RNGTT: variants seen among roughly 807,000 people sequenced by gnomAD.
RNGTT encodes the protein mRNA-capping enzyme.
Under a neutral mutation model 79.3 loss-of-function variants are expected in RNGTT, and 33 were observed. The observed-to-expected ratio is 0.42, with a 90% CI of 0.32 to 0.56. The LOEUF (loss-of-function observed/expected upper bound fraction) is 0.56, where lower values mean the gene tolerates loss of function less well. Ranked by LOEUF, RNGTT falls within the 20% of genes least tolerant of loss-of-function variation. The pLI is 0.17. For synonymous variants in RNGTT, 222 were observed against 235.9 expected, an observed-to-expected ratio of 0.94 and a Z score of 0.54; for missense variants, 497 against 739.1, an observed-to-expected ratio of 0.67 and a Z score of 3.80.
chr6:88,913,214 C>CAAAAAAAAAAA (rs58717773), intron 4 of RNGTT, among the ~76,000 whole-genome samples: 2 of 65,512 alleles, frequency 3.1e-5, no homozygotes, highest in Non-Finnish European at 7.2e-5. Flanking sequence ...CAAAAAAAAA[C>CAAAAAAAAAAA]AAAAAAAAAA....
intron 4 of RNGTT, among the ~76,000 whole-genome samples, chr6:88,918,754 T>C (rs1000485582): frequency 6.6e-6 from 1 of 152,196 alleles, no homozygotes; most frequent in Non-Finnish European, 1.5e-5. Flanking sequence ...TATAAACACA[T>C]TTTTGTATTC....
intron 14 of RNGTT, among the ~76,000 whole-genome samples, chr6:88,663,254 A>G (rs1431108876): frequency 6.6e-6 from 1 of 152,302 alleles, no homozygotes; most frequent in Non-Finnish European, 1.5e-5. Flanking sequence ...AAAGGATTCA[A>G]TGGGGACTAT....
At chr6:88,841,298 T>C (rs145843711) in intron 11 of RNGTT, among the ~76,000 whole-genome samples, 4 of 152,196 alleles carry the variant, frequency 2.6e-5, no homozygotes, top group African/African-American at 7.2e-5. Flanking sequence ...AAAATCATAA[T>C]AAAAGTAGGA....
At chr6:88,783,660 A>G (rs1779135485) in intron 12 of RNGTT, among the ~76,000 whole-genome samples, 4 of 152,180 alleles carry the variant, frequency 2.6e-5, no homozygotes, top group Admixed American at 6.5e-5. Flanking sequence ...ATCTAAGACA[A>G]TATGGAGAAA....
intron 11 of RNGTT, among the ~76,000 whole-genome samples, chr6:88,826,820 G>A (rs1215561875): frequency 1.2e-5 from 1 of 80,516 alleles, no homozygotes; most frequent in African/African-American, 5.5e-5. Flanking sequence ...ATATATATGT[G>A]TGTGTATATA....
intron 13 of RNGTT, among the ~76,000 whole-genome samples, chr6:88,729,893 G>C (rs1424316836): frequency 6.6e-6 from 1 of 152,122 alleles, no homozygotes; most frequent in African/African-American, 2.4e-5. Context: ...TTGGTAAATG[G>C]AAAAGAATAA....
chr6:88,930,555 A>T (rs1265148160), intron 2 of RNGTT, among the ~76,000 whole-genome samples: 1 of 152,142 alleles, frequency 6.6e-6, no homozygotes, highest in Non-Finnish European at 1.5e-5. Flanking sequence ...TGTTTAAAAA[A>T]AAGTTTCATT....
At chr6:88,657,361 T>C (rs1468165950) in intron 14 of RNGTT, among the ~76,000 whole-genome samples, 4 of 152,094 alleles carry the variant, frequency 2.6e-5, no homozygotes, top group African/African-American at 9.7e-5. Flanking sequence ...GGAAGAGCCC[T>C]GTAGGCACTC....
chr6:88,896,550 A>G (rs1358994044), intron 6 of RNGTT, among the ~76,000 whole-genome samples: 1 of 152,172 alleles, frequency 6.6e-6, no homozygotes. Context: ...TAAAGGGACA[A>G]AAGCAGAGAT....
chr6:88,688,654 C>T lies in RNGTT; in HGVS notation c.1440-10235G>A, dbSNP rs146446185. Among the ~76,000 whole-genome samples the T allele has an allele frequency of 2.0e-3, 310 of 152,248 alleles. 2 individuals carry two copies. Among genetic ancestry groups the T allele is most frequent in the African/African-American group, 7.3e-3 (303 of 41,556 alleles). ...ACACAGAAGCCAACTTGAAAGAGTTCCCAATGGTCAAAATCAAAACACTAA... is the reference window on the plus strand; with the variant it reads ...ACACAGAAGCCAACTTGAAAGAGTTTCCAATGGTCAAAATCAAAACACTAA... On this transcript the variant is annotated intron_variant, in intron 13 of 15. Coordinates refer to ENST00000369485, the MANE Select transcript of RNGTT (RefSeq NM_003800.5).
At chr6:88,954,174 T>C (rs1785348951) in intron 1 of RNGTT, among the ~76,000 whole-genome samples, 1 of 152,182 alleles carries the variant, frequency 6.6e-6, no homozygotes, top group South Asian at 2.1e-4. Context: ...AATGCTCCTT[T>C]TAAAAGACAC....
chr6:88,897,982 A>C (rs1481683839), intron 6 of RNGTT, among the ~76,000 whole-genome samples: 1 of 152,136 alleles, frequency 6.6e-6, no homozygotes, highest in East Asian at 1.9e-4. Flanking sequence ...AGAGCACAAG[A>C]AAGCCTACAC....
At chr6:88,809,920 G>A (rs1780080795) in intron 11 of RNGTT, among the ~76,000 whole-genome samples, 1 of 151,996 alleles carries the variant, frequency 6.6e-6, no homozygotes, top group African/African-American at 2.4e-5. Flanking sequence ...ATGGTGGCAT[G>A]CACCTAAGTC....
chr6:88,726,164 A>T (rs1185244727), intron 13 of RNGTT, among the ~76,000 whole-genome samples: 1 of 152,156 alleles, frequency 6.6e-6, no homozygotes, highest in Non-Finnish European at 1.5e-5. Context: ...ACACTCCAAT[A>T]CCACCTTGTT....
At chr6:88,816,611 A>G (rs1450080975) in intron 11 of RNGTT, among the ~76,000 whole-genome samples, 1 of 152,228 alleles carries the variant, frequency 6.6e-6, no homozygotes, top group East Asian at 1.9e-4. Flanking sequence ...AAAGCAATGT[A>G]CTTAAACCAA....
At position 88,840,702 on chromosome 6, in the gene RNGTT, A is replaced by G. The variant is rs145861267; in HGVS notation, c.1269+3655T>C. Among the ~76,000 whole-genome samples, 38 of 152,268 alleles carry G rather than the reference A, an allele frequency of 2.5e-4. No individual in the cohort carries two copies. In the Middle Eastern group the frequency reaches 0.017, roughly 68 times the overall value. On this transcript the variant is annotated intron_variant, in intron 11 of 15. Coordinates refer to ENST00000369485, the MANE Select transcript of RNGTT (RefSeq NM_003800.5). The stretch of plus-strand genomic sequence containing the variant: ...GTGTGAGCCACCACGCCTAGCAAGA[A>G]TTGCTTTTAAAAAAGAAATATCCTA...
chr6:88,909,151 G>T (rs551171486), intron 4 of RNGTT, among the ~76,000 whole-genome samples: 2 of 152,294 alleles, frequency 1.3e-5, no homozygotes, highest in Admixed American at 6.5e-5. Flanking sequence ...GCCAGCCAAG[G>T]TTTCTTCCCC....
intron 13 of RNGTT, among the ~76,000 whole-genome samples, chr6:88,736,596 A>G (rs1350998311): frequency 6.6e-6 from 1 of 152,188 alleles, no homozygotes; most frequent in Non-Finnish European, 1.5e-5. Context: ...AAAGAGAAAT[A>G]AAGCTACTGT....
At chr6:88,770,278 CATTTCAAG>C (rs1431755464) in intron 12 of RNGTT, among the ~76,000 whole-genome samples, 5 of 152,100 alleles carry the variant, frequency 3.3e-5, no homozygotes, top group African/African-American at 1.2e-4. Flanking sequence ...TGATATTGAA[CATTTCAAG>C]GATGTGAAAA....
Sources: allele counts gnomAD v4.1 joint callset (sites outside exome capture counted in the v4.1 genomes callset), GRCh38; gene constraint gnomAD v4.1.1; transcripts MANE v1.5; gene names NCBI Gene and HGNC (gene_info 2026-07-23, HGNC 2026-07-21).